Variants in MAST3 observed in about 807,000 individuals in gnomAD.
The protein encoded by MAST3 is microtubule-associated serine/threonine-protein kinase 3.
A neutral mutation model predicts 127.0 loss-of-function variants in MAST3; 43 were observed. The ratio of observed to expected loss-of-function variants is 0.34; its 90% CI spans 0.27 to 0.44. MAST3 has a LOEUF of 0.44. Ranked by LOEUF, MAST3 falls within the 20% of genes least tolerant of loss-of-function variation. The pLI, the probability that MAST3 is intolerant of heterozygous loss-of-function variation, is 1.00. For missense variants in MAST3, 1,390 were observed against 1,919.1 expected (o/e 0.72, Z 5.15); for synonymous variants, 785 against 809.2 (o/e 0.97, Z 0.51).
chr19:18,129,096 A>AG (rs1237215502), intron 13 of MAST3, 145 bp downstream of exon 13: 2 of 705,946 alleles, frequency 2.8e-6, no homozygotes, highest in Non-Finnish European at 4.9e-6. Context: ...TGAGGACTGG[A>AG]GGGGGAAGTG....
intron 1 of MAST3, among the ~76,000 whole-genome samples, chr19:18,100,128 C>CTTTTTTTTTTTTTTTTTTTTTT (rs58879254): frequency 2.5e-5 from 3 of 121,704 alleles, no homozygotes; most frequent in Non-Finnish European, 3.5e-5. Context: ...CTCTCTCTCT[C>CTTTTTTTTTTTTTTTTTTTTTT]TTTTTTTTTT....
At chr19:18,122,805 G>GA in intron 6 of MAST3, 54 bp downstream of exon 6, 1 of 1,545,074 alleles carries the variant, frequency 6.5e-7, no homozygotes, top group Non-Finnish European at 8.9e-7. Context: ...GTTGTGGGGG[G>GA]ACACATCTTT....
chr19:18,108,028 C>T (rs1337209954), intron 2 of MAST3, among the ~76,000 whole-genome samples: 1 of 152,092 alleles, frequency 6.6e-6, no homozygotes, highest in Non-Finnish European at 1.5e-5. Flanking sequence ...CGGTGGCTCC[C>T]GCCTGTAATC....
intron 20 of MAST3, among the ~76,000 whole-genome samples, chr19:18,140,265 C>T (rs1218750413): frequency 7.7e-6 from 1 of 129,330 alleles, no homozygotes; most frequent in East Asian, 2.4e-4. Flanking sequence ...GTAACCCCAG[C>T]TACTCGGGAG....
intron 13 of MAST3, 24 bp from the exon 14 acceptor site, chr19:18,130,470 G>A (rs202139308): frequency 1.4e-4 from 214 of 1,571,458 alleles, no homozygotes; most frequent in Middle Eastern, 1.7e-4. Flanking sequence ...TCCGGTCCCA[G>A]CAAGCCTGGC....
Position 18,145,174 on chromosome 19 carries a change from C to T in MAST3, c.2984C>T (p.Ala995Val), listed in dbSNP as rs1599901005. Residue 995 changes from alanine to valine, a missense_variant, in exon 24 of 28, where the codon GCG becomes GTG. Around this residue, in one of 5 missense-constraint regions of MAST3, gnomAD observed 816 missense variants for 934.1 expected, o/e 0.87. Transcript: ENST00000687212. The surrounding 1 kb of genome is among the most constrained non-coding windows in gnomAD (Gnocchi z 5.9). Reference protein sequence around the residue: ...SGKKYGFSLRAIRVYMGDSDV... With the variant: ...SGKKYGFSLRVIRVYMGDSDV... Reference sequence around the variant, plus strand: ...AAGAAGTACGGCTTCAGCCTGCGGGCGATCCGCGTCTACATGGGTGATAGC... The same window carrying T: ...AAGAAGTACGGCTTCAGCCTGCGGGTGATCCGCGTCTACATGGGTGATAGC... 3.1e-6 allele frequency: 5 copies of T among 1,613,852 alleles called. No individual in the cohort carries two copies. The highest frequency in any genetic ancestry group is 2.7e-5 in the African/African-American group (2 of 74,926).
chr19:18,138,401 C>T (rs890156856), intron 19 of MAST3, among the ~76,000 whole-genome samples: 2 of 151,774 alleles, frequency 1.3e-5, no homozygotes, highest in Non-Finnish European at 1.5e-5. Flanking sequence ...ACTGGAACTT[C>T]TACCTCCCGG....
At chr19:18,122,147 G>T in intron 5 of MAST3, 13 of 985,072 alleles carry the variant, frequency 1.3e-5, no homozygotes, top group Non-Finnish European at 1.6e-5. Context: ...ACCAGCCCAG[G>T]GGGTGGGGGG....
intron 3 of MAST3, chr19:18,118,001 C>T (rs1599718952): frequency 3.7e-6 from 2 of 538,070 alleles, no homozygotes; most frequent in Non-Finnish European, 4.7e-6. Flanking sequence ...GGGCGGAGTT[C>T]CAGTCGCGCT....
chr19:18,131,783 G>C, intron 14 of MAST3, 126 bp from the exon 15 acceptor site: 1 of 1,056,716 alleles, frequency 9.5e-7, no homozygotes, highest in East Asian at 2.6e-5. Context: ...CGCTGAGATA[G>C]AACAAACTGG....
intron 3 of MAST3, among the ~76,000 whole-genome samples, chr19:18,111,106 C>G (rs772597138): frequency 2.0e-5 from 3 of 152,108 alleles, no homozygotes; most frequent in Non-Finnish European, 4.4e-5. Context: ...CTAAAACACA[C>G]GCACACCCAA....
At position 18,137,677 on chromosome 19, in the gene MAST3, A is replaced by T. The variant is rs535310762; in HGVS notation, c.2095+316A>T. Reference sequence around the variant, plus strand: ...GCCTCCTGGGTGTCCGTCCCTGACCAGGCATGGGGCCCCATCTGTTACCCA... The same window carrying T: ...GCCTCCTGGGTGTCCGTCCCTGACCTGGCATGGGGCCCCATCTGTTACCCA... On this transcript the variant is annotated intron_variant, in intron 19 of 27. Coordinates refer to ENST00000687212, the MANE Select transcript of MAST3 (RefSeq NM_001393504.1). 7.8e-4 allele frequency among the ~76,000 whole-genome samples: 119 copies of T among 152,264 alleles called. 1 individual carries two copies. The South Asian group carries it at 0.012, about 15-fold the overall frequency.
At chr19:18,101,732 G>C (rs2037639167) in intron 1 of MAST3, among the ~76,000 whole-genome samples, 1 of 148,496 alleles carries the variant, frequency 6.7e-6, no homozygotes, top group Non-Finnish European at 1.5e-5. Context: ...CTCACTGCAG[G>C]CTCCGTCACC....
Position 18,135,003 on chromosome 19 carries a change from T to C in MAST3, c.1870+21T>C, listed in dbSNP as rs273499. ...CAGCGGTGCGTTTCCTCCACGGGCCTGGGTTTGAGCTGCAGCCCCACCAGA... is the reference window on the plus strand; with the variant it reads ...CAGCGGTGCGTTTCCTCCACGGGCCCGGGTTTGAGCTGCAGCCCCACCAGA... On this transcript the variant is annotated intron_variant, in intron 17 of 27. Transcript: ENST00000687212. 0.94 allele frequency: 1,477,952 copies of C among 1,576,694 alleles called. 692,940 individuals are homozygous for C. The highest frequency in any genetic ancestry group is 0.96 in the East Asian group (42,599 of 44,330).
chr19:18,143,224 A>T lies in MAST3; in HGVS notation c.2340-539A>T, dbSNP rs528705591. ...AACAATCCTCCTGTCTCAGCCTCCC[A>T]AAGTGCTGGAATTATAGGTGTCAGC... On this transcript the variant is annotated intron_variant, in intron 21 of 27. Coordinates refer to ENST00000687212, the MANE Select transcript of MAST3 (RefSeq NM_001393504.1). 1.1e-4 allele frequency among the ~76,000 whole-genome samples: 17 copies of T among 152,064 alleles called. No homozygotes were observed. The East Asian group carries it at 3.3e-3, about 30-fold the overall frequency.
chr19:18,132,091 C>G, intron 15 of MAST3, 44 bp downstream of exon 15: 1 of 1,606,856 alleles, frequency 6.2e-7, no homozygotes, highest in Non-Finnish European at 8.5e-7. Flanking sequence ...AGGGCGGGGC[C>G]AGAGAGGATC....
intron 2 of MAST3, among the ~76,000 whole-genome samples, chr19:18,108,968 G>C (rs1222694370): frequency 1.3e-5 from 2 of 152,180 alleles, no homozygotes; most frequent in Non-Finnish European, 1.5e-5. Context: ...TCAGGAGAGA[G>C]CTCAACCAGA....
chr19:18,111,752 G>T (rs552300527), intron 3 of MAST3, among the ~76,000 whole-genome samples: 1 of 151,740 alleles, frequency 6.6e-6, no homozygotes, highest in East Asian at 1.9e-4. Flanking sequence ...CAGGCTGGTC[G>T]CAAACCCCTC....
intron 13 of MAST3, among the ~76,000 whole-genome samples, chr19:18,129,922 C>CAA (rs58948738): frequency 0.11 from 12,281 of 116,358 alleles, 928 homozygotes; most frequent in Admixed American, 0.14. Flanking sequence ...GAGACCATCT[C>CAA]AAAAAAAAAA....
Sources: gnomAD v4.1 joint callset for allele counts (sites outside exome capture counted in the v4.1 genomes callset) on GRCh38, gnomAD v4.1.1 for gene constraint, gnomAD v4.1.1 regional missense constraint, Gnocchi (gnomAD v3.1) non-coding constraint, MANE v1.5 for transcripts, NCBI Gene and HGNC (gene_info 2026-07-23, HGNC 2026-07-21) for gene names.